KLHL14: variants seen among roughly 807,000 people sequenced by gnomAD.
KLHL14 encodes kelch like family member 14.
Under a neutral mutation model 64.3 loss-of-function variants are expected in KLHL14, and 22 were observed. The ratio of observed to expected loss-of-function variants is 0.34; its 90% CI spans 0.24 to 0.49. The LOEUF is 0.49. KLHL14 is among the 20% of genes least tolerant of loss of function. The pLI, the probability that KLHL14 is intolerant of heterozygous loss-of-function variation, is 0.99. For synonymous variants in KLHL14, 322 were observed against 333.4 expected, an observed-to-expected ratio of 0.97 and a Z score of 0.37; for missense variants, 661 against 789.0, an observed-to-expected ratio of 0.84 and a Z score of 1.94.
At chr18:32,743,322 A>G (rs935746114) in intron 2 of KLHL14, 1 of 152,260 alleles carries the variant, frequency 6.6e-6, no homozygotes, top group Non-Finnish European at 1.5e-5. Flanking sequence ...TTGGCGAAGT[A>G]TGCCCTTGTG....
intron 3 of KLHL14, among the ~76,000 whole-genome samples, chr18:32,714,674 C>G (rs1315794646): frequency 1.3e-5 from 2 of 152,074 alleles, no homozygotes; most frequent in Non-Finnish European, 2.9e-5. Context: ...TTGCAAACAC[C>G]CGTTGCTGCT....
chr18:32,721,308 G>T (rs905497389), intron 3 of KLHL14, among the ~76,000 whole-genome samples: 1 of 152,180 alleles, frequency 6.6e-6, no homozygotes, highest in East Asian at 1.9e-4. Flanking sequence ...CCTTTGTGCA[G>T]TGTTAGAGAG....
intron 3 of KLHL14, among the ~76,000 whole-genome samples, chr18:32,736,468 A>G (rs2050166705): frequency 6.6e-6 from 1 of 152,116 alleles, no homozygotes; most frequent in Admixed American, 6.5e-5. Flanking sequence ...ATTCCAAGCT[A>G]AGAGAGATCA....
chr18:32,677,101 C>A, intron 8 of KLHL14, 72 bp downstream of exon 8: 1 of 1,476,854 alleles, frequency 6.8e-7, no homozygotes, highest in Non-Finnish European at 9.3e-7. Context: ...TGGAGGATAA[C>A]ACATTTGGAA....
Position 32,680,868 on chromosome 18 carries a change from T to TCC in KLHL14, c.1239-270_1239-269insGG, listed in dbSNP as rs2049835224. The stretch of plus-strand genomic sequence containing the variant: ...CTCTTTGTTTCAGCCCTTGTTATCT[T>TCC]GTTTTATACACTGTTAAGTGTTCAT... On this transcript the variant is annotated intron_variant, in intron 5 of 8. Transcript: ENST00000359358. This position sits in a 1 kb window ranked among gnomAD's most constrained non-coding sequence, Gnocchi z 4.8. 6.6e-5 allele frequency among the ~76,000 whole-genome samples: 10 copies of TCC among 150,926 alleles called. 1 individual carries two copies. The highest frequency in any genetic ancestry group is 6.6e-4 in the Admixed American group (10 of 15,236).
At chr18:32,769,281 T>G (rs2050363678) in intron 2 of KLHL14, among the ~76,000 whole-genome samples, 2 of 152,126 alleles carry the variant, frequency 1.3e-5, no homozygotes, top group African/African-American at 4.8e-5. Context: ...CATCTTAAGA[T>G]TTGTAGGGAG....
Position 32,681,695 on chromosome 18 carries a change from A to G in KLHL14, c.1239-1096T>C, listed in dbSNP as rs184459452. On this transcript the variant is annotated intron_variant, in intron 5 of 8. Coordinates refer to ENST00000359358, the MANE Select transcript of KLHL14 (RefSeq NM_020805.3). ...TATATTTAATGAATTAATGATCTCTATTAAAATAGATGCCGAGATTCTTGT... is the reference window on the plus strand; with the variant it reads ...TATATTTAATGAATTAATGATCTCTGTTAAAATAGATGCCGAGATTCTTGT... Among the ~76,000 whole-genome samples, 40 of 152,332 alleles carry G rather than the reference A, an allele frequency of 2.6e-4. 1 individual carries two copies. The East Asian group carries it at 5.4e-3, about 21-fold the overall frequency.
intron 7 of KLHL14, 127 bp from the exon 8 acceptor site, chr18:32,677,457 C>A: frequency 2.4e-6 from 2 of 820,260 alleles, no homozygotes; most frequent in South Asian, 2.0e-5. Flanking sequence ...GACACAAATG[C>A]ATAAATTCAC....
chr18:32,702,347 T>C (rs984785779), intron 3 of KLHL14, among the ~76,000 whole-genome samples: 2 of 140,134 alleles, frequency 1.4e-5, no homozygotes, highest in East Asian at 2.0e-4. Flanking sequence ...TTTTGTTTTT[T>C]TTTTTTTTAA....
chr18:32,687,216 A>C lies in KLHL14; in HGVS notation c.1177T>G (p.Phe393Val), dbSNP rs1381080733. ...WNPNGKHSTNFVSRYDPRFNS... is the reference protein window; with the variant it reads ...WNPNGKHSTNVVSRYDPRFNS... ...AATCGAGGATCATATCGGCTGACAAAATTTGTACTGTGTTTTCCTGTAAAA... is the reference window on the plus strand; with the variant it reads ...AATCGAGGATCATATCGGCTGACAACATTTGTACTGTGTTTTCCTGTAAAA... Residue 393 changes from phenylalanine to valine, a missense_variant, in exon 5 of 9, where the codon TTT (phenylalanine) becomes GTT (valine). By Grantham distance (50) the Phe-to-Val change is conservative (BLOSUM62 -1). Around this residue, in one of 2 missense-constraint regions of KLHL14, gnomAD observed 330 missense variants for 450.0 expected, o/e 0.73. Transcript: ENST00000359358. The C allele has an allele frequency of 3.7e-6, 6 of 1,613,606 alleles. No homozygotes were observed. The highest frequency in any genetic ancestry group is 5.1e-6 in the Non-Finnish European group (6 of 1,179,672).
chr18:32,721,929 C>G (rs1252939797), intron 3 of KLHL14, among the ~76,000 whole-genome samples: 1 of 152,134 alleles, frequency 6.6e-6, no homozygotes. Context: ...CCACCCAAAT[C>G]TCACCTTAAA....
At chr18:32,725,566 A>T (rs1213123634) in intron 3 of KLHL14, among the ~76,000 whole-genome samples, 1 of 152,208 alleles carries the variant, frequency 6.6e-6, no homozygotes. Flanking sequence ...GTGCTTGCCC[A>T]TGGCCCTGGC....
At chr18:32,734,296 A>C (rs1164599975) in intron 3 of KLHL14, 3 of 699,724 alleles carry the variant, frequency 4.3e-6, no homozygotes. Context: ...AAGACACTGC[A>C]GCTCTTTCTT....
At chr18:32,734,056 G>C (rs763237199) in intron 3 of KLHL14, 8 of 652,608 alleles carry the variant, frequency 1.2e-5, no homozygotes, top group Non-Finnish European at 2.2e-5. Context: ...GATGATTTTG[G>C]GTAATCTCCC....
intron 2 of KLHL14, among the ~76,000 whole-genome samples, chr18:32,763,481 A>G (rs1598581016): frequency 1.3e-5 from 2 of 152,160 alleles, no homozygotes; most frequent in Non-Finnish European, 2.9e-5. Flanking sequence ...TTCCCTGGTG[A>G]TAAGGACCTC....
In KLHL14 at chr18:32,734,414, C is replaced by G. The variant is rs375608801; in HGVS notation, c.1069+7514G>C. 6.6e-4 allele frequency among the ~76,000 whole-genome samples: 101 copies of G among 152,290 alleles called. 1 individual carries two copies. The South Asian group carries it at 0.02, about 31-fold the overall frequency. ...ATGCCCTCTATCAACCTGTGTTGGA[C>G]ATGTAGAATAAGCAAGAAATCATTT... On this transcript the variant is annotated intron_variant, in intron 3 of 8. Transcript: ENST00000359358.
chr18:32,674,995 A>T (rs555783485), intron 8 of KLHL14, among the ~76,000 whole-genome samples, 198 bp from the exon 9 acceptor site: 4 of 152,138 alleles, frequency 2.6e-5, no homozygotes, highest in Non-Finnish European at 4.4e-5. Context: ...TTCAAAAAAA[A>T]TTTTTTTGTG....
intron 4 of KLHL14, among the ~76,000 whole-genome samples, chr18:32,694,287 G>C (rs2049926548): frequency 6.6e-6 from 1 of 152,206 alleles, no homozygotes; most frequent in South Asian, 2.1e-4. Flanking sequence ...GCTCCTTCCA[G>C]TTCAAATCAC....
At chr18:32,695,908 TG>T (rs2049934587) in intron 3 of KLHL14, among the ~76,000 whole-genome samples, 1 of 152,150 alleles carries the variant, frequency 6.6e-6, no homozygotes, top group African/African-American at 2.4e-5. Context: ...TGGTCAGGGC[TG>T]GGGTTACTTC....
Sources: allele counts gnomAD v4.1 joint callset (sites outside exome capture counted in the v4.1 genomes callset), GRCh38; gene constraint gnomAD v4.1.1; regional missense constraint gnomAD v4.1.1; non-coding constraint Gnocchi (gnomAD v3.1); transcripts MANE v1.5; gene names NCBI Gene and HGNC (gene_info 2026-07-23, HGNC 2026-07-21).